Variants in ZNF808 observed in about 807,000 individuals in gnomAD.
ZNF808 encodes zinc finger protein 808.
In ZNF808, 5 loss-of-function variants were observed where a neutral mutation model predicts 8.7. The ratio of observed to expected loss-of-function variants is 0.58; its 90% CI spans 0.30 to 1.21. The LOEUF is 1.21. ZNF808 is among the 50% of genes most tolerant of loss of function. ZNF808 has a pLI of 0.07. For synonymous variants in ZNF808, 380 were observed against 366.0 expected (o/e 1.04, Z -0.44); for missense variants, 1,103 against 1,098.4 (o/e 1.00, Z -0.06).
In ZNF808 at chr19:52,540,997, G is replaced by A. The variant is rs2059664483; in HGVS notation, c.-19-2269G>A. On this transcript the variant is annotated intron_variant, in intron 2 of 4. Transcript: ENST00000359798. ...GATGGAGTCTCGCTCTGTCACCCAG[G>A]CTGGAGTGCAGTGGCATGATCTCAG... is the stretch of plus-strand genomic sequence containing the variant. Among the ~76,000 whole-genome samples, 3 of 152,110 alleles carry A rather than the reference G, an allele frequency of 2.0e-5. No homozygotes were observed. In the South Asian group the frequency reaches 6.2e-4, roughly 32 times the overall value.
intron 4 of ZNF808, among the ~76,000 whole-genome samples, chr19:52,549,251 A>G (rs1039934927): frequency 2.0e-4 from 30 of 152,246 alleles, no homozygotes; most frequent in African/African-American, 7.0e-4. Flanking sequence ...TGCTGGTATT[A>G]CAGACATGAG....
intron 2 of ZNF808, among the ~76,000 whole-genome samples, chr19:52,539,626 T>G (rs1223889341): frequency 7.0e-6 from 1 of 141,886 alleles, no homozygotes; most frequent in African/African-American, 2.6e-5. Flanking sequence ...GCGATCTTGC[T>G]CACTGCAACC....
At position 52,543,358 on chromosome 19, in the gene ZNF808, A is replaced by G. The variant is rs539621393; in HGVS notation, c.63+11A>G. On this transcript the variant is annotated intron_variant, in intron 3 of 4. Coordinates refer to ENST00000359798, the MANE Select transcript of ZNF808 (RefSeq NM_001039886.4). The stretch of plus-strand genomic sequence containing the variant: ...ATGGCTCTTCCTCAGGTGAAGTGAT[A>G]TTCCTCTGTGGATTAATCTGTCTCT... 13 of 1,611,966 alleles carry G rather than the reference A, an allele frequency of 8.1e-6. No homozygotes were observed. The Admixed American group carries it at 1.5e-4, about 19-fold the overall frequency.
intron 4 of ZNF808, among the ~76,000 whole-genome samples, 152 bp from the exon 5 acceptor site, chr19:52,552,955 T>C (rs1454066341): frequency 6.6e-6 from 1 of 152,222 alleles, no homozygotes; most frequent in Non-Finnish European, 1.5e-5. Flanking sequence ...CTTTATTTAC[T>C]AAAGAATCTC....
rs1482880235 is a variant in ZNF808, at chr19:52,554,136, C to G, written c.1220C>G (p.Ala407Gly). The change falls in exon 5 of 5, where the codon GCT becomes GGT. Residue 407 changes from alanine (A) to glycine (G), a missense_variant. Ala to Gly is a moderately conservative substitution (Grantham distance 60). Transcript: ENST00000359798. ...TACAAGTGTAATGAGTGTGGTAAGG[C>G]TTTTAATCATCAATCAAGCCTTGCA... is the stretch of plus-strand genomic sequence containing the variant. ...KTYKCNECGK[A>G]FNHQSSLARH... 3.1e-6 allele frequency: 5 copies of G among 1,613,958 alleles called. No individual in the cohort carries two copies. In the African/African-American group the frequency reaches 6.7e-5, roughly 22 times the overall value.
At chr19:52,560,338 A>G (rs74994619), downstream of ZNF808, among the ~76,000 whole-genome samples, 3 of 151,828 alleles carry the variant, frequency 2.0e-5, no homozygotes, top group Admixed American at 2.0e-4. Flanking sequence ...AAAAAAAAAA[A>G]TTAAAAAACG....
Position 52,555,653 on chromosome 19 carries a change from A to G in ZNF808, c.*25A>G. 1.9e-6 allele frequency: 3 copies of G among 1,582,406 alleles called. No individual in the cohort carries two copies. Among genetic ancestry groups the G allele is most frequent in the Non-Finnish European group, 2.6e-6 (3 of 1,166,202 alleles). ...ATATAATGATTGTCACAAAGTCTTCAGTAACACTACAACAATTGCAAATCA... is the reference window on the plus strand; with the variant it reads ...ATATAATGATTGTCACAAAGTCTTCGGTAACACTACAACAATTGCAAATCA... On this transcript the variant is annotated 3_prime_UTR_variant, in exon 5 of 5. Coordinates refer to ENST00000359798, the MANE Select transcript of ZNF808 (RefSeq NM_001039886.4).
chr19:52,546,472 A>T (rs752390542), intron 3 of ZNF808, among the ~76,000 whole-genome samples: 7 of 152,088 alleles, frequency 4.6e-5, no homozygotes, highest in Non-Finnish European at 7.4e-5. Context: ...GGCATGAGCC[A>T]CTGTGCCTGA....
Position 52,532,908 on chromosome 19 carries a change from A to C in ZNF808, c.-121A>C, listed in dbSNP as rs1006448722. ...ACGTATTGGTGTTTATATTTTGTAG[A>C]TATCTCTTCCAAATGCTTGATGAAA... On this transcript the variant is annotated splice_region_variant and 5_prime_UTR_variant, in exon 2 of 5. Transcript: ENST00000359798. The C allele has an allele frequency of 1.1e-5, 2 of 174,920 alleles. No individual in the cohort carries two copies. The highest frequency in any genetic ancestry group is 4.8e-5 in the African/African-American group (2 of 41,978). The allele number at this position is 174,920 out of a possible 1,614,324, so 10.8% of individuals were successfully genotyped here.
At chr19:52,548,435 G>T (rs943629648) in intron 4 of ZNF808, among the ~76,000 whole-genome samples, 3 of 152,030 alleles carry the variant, frequency 2.0e-5, no homozygotes, top group South Asian at 4.1e-4. Flanking sequence ...TGTTGTTGTT[G>T]TTTTTTTCTC....
downstream of ZNF808, among the ~76,000 whole-genome samples, chr19:52,561,196 CTCTCTCTCTCTCTCTCTA>C (rs1389187654): frequency 9.9e-3 from 597 of 60,562 alleles, 3 homozygotes; most frequent in East Asian, 0.022. Flanking sequence ...CTCTCTCTCT[CTCTCTCTCTCTCTCTCTA>C]TATATATATA....
At chr19:52,528,769 T>C (rs1358328992) in intron 1 of ZNF808, among the ~76,000 whole-genome samples, 2 of 151,586 alleles carry the variant, frequency 1.3e-5, no homozygotes, top group African/African-American at 4.8e-5. Context: ...CAGGGGAGTA[T>C]ATCAGGGAAG....
chr19:52,567,340 C>G (rs79183000), downstream of ZNF808, among the ~76,000 whole-genome samples: 1,897 of 151,786 alleles, frequency 0.012, 38 homozygotes, highest in African/African-American at 0.044. Flanking sequence ...TACCTAAGCA[C>G]CTATGTAAGA....
chr19:52,543,029 C>G (rs943441245), intron 2 of ZNF808, among the ~76,000 whole-genome samples: 4 of 151,914 alleles, frequency 2.6e-5, no homozygotes, highest in African/African-American at 7.3e-5. Context: ...AGCCCAGGTC[C>G]CCCCTGCTGC....
rs1306189907 is a variant in ZNF808, at chr19:52,547,592, G to A, written c.144G>A (p.Leu48=). 1.9e-6 allele frequency: 3 copies of A among 1,613,976 alleles called. No homozygotes were observed. The highest frequency in any genetic ancestry group is 2.5e-6 in the Non-Finnish European group (3 of 1,180,010). The part of the protein sequence containing the change: ...WKFLNPAQRA[L]YREVMLENYR... ...TCCTGAACCCTGCACAGAGGGCTTT[G>A]TACAGGGAAGTGATGTTGGAGAACT... is the stretch of plus-strand genomic sequence containing the variant. Residue 48 remains leucine, a synonymous_variant, in exon 4 of 5, where the codon TTG becomes TTA. Coordinates refer to ENST00000359798, the MANE Select transcript of ZNF808 (RefSeq NM_001039886.4).
exon 4 of ZNF808, chr19:52,564,370 A>G (rs2059867468): frequency 2.1e-6 from 1 of 486,344 alleles, no homozygotes. Context: ...TGAATCTGTT[A>G]TGAACGCATT....
Position 52,554,051 on chromosome 19 carries a change from G to A in ZNF808, c.1135G>A (p.Ala379Thr), listed in dbSNP as rs369740825. The change falls in exon 5 of 5, where the codon GCT (alanine) becomes ACT (threonine). Residue 379 changes from alanine to threonine, a missense_variant. Ala to Thr is a moderately conservative substitution (Grantham distance 58). Coordinates refer to ENST00000359798, the MANE Select transcript of ZNF808 (RefSeq NM_001039886.4). ...KPYKCKICEKAFACHSYLANH... is the reference protein window; with the variant it reads ...KPYKCKICEKTFACHSYLANH... ...TTACAAATGTAAGATTTGTGAGAAG[G>A]CTTTTGCGTGTCATTCCTATCTGGC... 2.5e-6 allele frequency: 4 copies of A among 1,614,036 alleles called. No individual in the cohort carries two copies. Among genetic ancestry groups the A allele is most frequent in the Non-Finnish European group, 3.4e-6 (4 of 1,179,970 alleles).
At chr19:52,531,927 G>A (rs1271759973) in intron 1 of ZNF808, among the ~76,000 whole-genome samples, 2 of 152,190 alleles carry the variant, frequency 1.3e-5, no homozygotes, top group African/African-American at 4.8e-5. Flanking sequence ...TCAGAAGGTA[G>A]TGATCTTAAC....
Position 52,546,642 on chromosome 19 carries a change from CTT to C in ZNF808, c.64-851_64-850del, listed in dbSNP as rs67940309. ...GTCTGTAGAGAAAACCCTGTGTTTGCTTTTTTTTTTTTTTTTTTTTGAGATGG... is the reference window on the plus strand; with the variant it reads ...GTCTGTAGAGAAAACCCTGTGTTTGCTTTTTTTTTTTTTTTTTTGAGATGG... On this transcript the variant is annotated intron_variant, in intron 3 of 4. Transcript: ENST00000359798. 1.6e-3 allele frequency among the ~76,000 whole-genome samples: 155 copies of C among 98,780 alleles called. 1 individual carries two copies. Among genetic ancestry groups the C allele is most frequent in the African/African-American group, 3.2e-3 (80 of 25,282 alleles). 64.8% of individuals were successfully genotyped at this position (98,780 alleles called of 152,430 possible).
Sources: gnomAD v4.1 joint callset for allele counts (sites outside exome capture counted in the v4.1 genomes callset) on GRCh38, gnomAD v4.1.1 for gene constraint, MANE v1.5 for transcripts, NCBI Gene and HGNC (gene_info 2026-07-23, HGNC 2026-07-21) for gene names.